Variants in KCNMB2 observed in about 807,000 individuals in gnomAD.
The protein encoded by KCNMB2 is potassium calcium-activated channel subfamily M regulatory beta subunit 2, also known as calcium-activated potassium channel subunit beta-2.
A neutral mutation model predicts 24.5 loss-of-function variants in KCNMB2; 9 were observed. The observed-to-expected ratio is 0.37, with a 90% CI of 0.22 to 0.64. The LOEUF is 0.64. KCNMB2 is among the 30% of genes least tolerant of loss of function. KCNMB2 has a pLI of 0.63. For missense variants in KCNMB2, 226 were observed against 284.3 expected (o/e 0.79, Z 1.47); for synonymous variants, 109 against 104.4 (o/e 1.04, Z -0.27).
At position 178,843,342 on chromosome 3, in the gene KCNMB2, C is replaced by A; in HGVS notation, c.*405C>A. On this transcript the variant is annotated 3_prime_UTR_variant, in exon 5 of 5. Transcript: ENST00000452583. Reference sequence around the variant, plus strand: ...CACTTATTGTTTACTAAAGCTACAGCCAAAAATATTTTTTTTTCTTATTCT... The same window carrying A: ...CACTTATTGTTTACTAAAGCTACAGACAAAAATATTTTTTTTTCTTATTCT... 1 of 363,732 alleles carries A rather than the reference C, an allele frequency of 2.7e-6. No individual in the cohort carries two copies. The highest frequency in any genetic ancestry group is 5.5e-6 in the Non-Finnish European group (1 of 182,404). The allele number at this position is 363,732 out of a possible 1,614,324, so 22.5% of individuals were successfully genotyped here. A position where few individuals can be genotyped will look rare whatever the true frequency, so the allele number is the denominator to read the frequency against.
chr3:178,754,861 C>G (rs1179753334), intron 1 of KCNMB2, among the ~76,000 whole-genome samples: 5 of 152,186 alleles, frequency 3.3e-5, no homozygotes, highest in Non-Finnish European at 7.4e-5. Context: ...GCTTGTTTAG[C>G]ACGTTTGGCC....
At chr3:178,571,846 T>G in intron 1 of KCNMB2, among the ~76,000 whole-genome samples, 1 of 152,248 alleles carries the variant, frequency 6.6e-6, no homozygotes, top group Middle Eastern at 3.4e-3. Flanking sequence ...TCCATGTCCC[T>G]GCAAAGGACA....
intron 1 of KCNMB2, among the ~76,000 whole-genome samples, chr3:178,651,081 AC>A (rs1227657121): frequency 6.6e-6 from 1 of 152,174 alleles, no homozygotes; most frequent in Non-Finnish European, 1.5e-5. Context: ...AGAGAAAGAA[AC>A]AAAGGGCATT....
chr3:178,613,288 C>T (rs1436097660), intron 1 of KCNMB2, among the ~76,000 whole-genome samples: 1 of 152,132 alleles, frequency 6.6e-6, no homozygotes, highest in African/African-American at 2.4e-5. Context: ...ATCCCCACTA[C>T]TTGGGAGGCT....
intron 1 of KCNMB2, among the ~76,000 whole-genome samples, chr3:178,765,528 C>A (rs1712078809): frequency 6.6e-6 from 1 of 150,980 alleles, no homozygotes; most frequent in Non-Finnish European, 1.5e-5. Context: ...GTCACCTACA[C>A]AATCTGTCAC....
At chr3:178,678,986 TTTG>T (rs10575935) in intron 1 of KCNMB2, among the ~76,000 whole-genome samples, 105,280 of 151,212 alleles carry the variant, frequency 0.7, 37,164 homozygotes, top group African/African-American at 0.84. Flanking sequence ...CTATAATTGG[TTTG>T]TTGTTGTTGT....
chr3:178,546,031 C>T lies in KCNMB2; in HGVS notation c.-68+9320C>T, dbSNP rs1715761731. 2.0e-5 allele frequency among the ~76,000 whole-genome samples: 3 copies of T among 151,986 alleles called. No individual in the cohort carries two copies. In the South Asian group the frequency reaches 6.2e-4, roughly 32 times the overall value. On this transcript the variant is annotated intron_variant, in intron 1 of 4. Transcript: ENST00000452583. Reference sequence around the variant, plus strand: ...TCAAGGTAACTGTTTGCTTTGAAAACATAAAAATAGAACAGCACAGGACTC... The same window carrying T: ...TCAAGGTAACTGTTTGCTTTGAAAATATAAAAATAGAACAGCACAGGACTC...
At chr3:178,704,129 A>G (rs140696659) in intron 1 of KCNMB2, among the ~76,000 whole-genome samples, 1 of 152,160 alleles carries the variant, frequency 6.6e-6, no homozygotes, top group African/African-American at 2.4e-5. Flanking sequence ...TAAAATCTCC[A>G]TCTTCCAGGG....
intron 1 of KCNMB2, among the ~76,000 whole-genome samples, chr3:178,704,961 A>G (rs1722228816): frequency 6.6e-6 from 1 of 152,064 alleles, no homozygotes; most frequent in South Asian, 2.1e-4. Flanking sequence ...TTCTCTAGGT[A>G]TATACCACCA....
At chr3:178,609,747 C>T (rs941226607) in intron 1 of KCNMB2, among the ~76,000 whole-genome samples, 2 of 152,014 alleles carry the variant, frequency 1.3e-5, no homozygotes. Flanking sequence ...AGCAGTCCTC[C>T]CACCTCACCC....
chr3:178,723,082 T>C (rs1205642302), intron 1 of KCNMB2, among the ~76,000 whole-genome samples: 1 of 152,202 alleles, frequency 6.6e-6, no homozygotes, highest in East Asian at 1.9e-4. Context: ...TTCATCTATG[T>C]GTCTATCCCT....
intron 1 of KCNMB2, among the ~76,000 whole-genome samples, chr3:178,611,706 C>CA (rs56679826): frequency 0.044 from 6,678 of 151,698 alleles, 462 homozygotes; most frequent in African/African-American, 0.15. Flanking sequence ...CTCTGTCTCA[C>CA]AAAAAACAAA....
intron 1 of KCNMB2, among the ~76,000 whole-genome samples, chr3:178,624,679 A>G (rs1000500265): frequency 1.2e-4 from 17 of 145,486 alleles, no homozygotes; most frequent in African/African-American, 4.1e-4. Context: ...ACACTTGCCA[A>G]CGCCGCTCTT....
At chr3:178,784,346 T>G (rs1225399465) in intron 1 of KCNMB2, among the ~76,000 whole-genome samples, 1 of 152,118 alleles carries the variant, frequency 6.6e-6, no homozygotes, top group Non-Finnish European at 1.5e-5. Flanking sequence ...CAAAGAAGGA[T>G]CAGAAGTGAG....
At chr3:178,809,508 G>A (rs942236160) in intron 2 of KCNMB2, among the ~76,000 whole-genome samples, 1 of 152,056 alleles carries the variant, frequency 6.6e-6, no homozygotes, top group African/African-American at 2.4e-5. Flanking sequence ...AACTTCCAAA[G>A]GCCCAACAAC....
chr3:178,761,818 T>C (rs1711899080), intron 1 of KCNMB2, among the ~76,000 whole-genome samples: 1 of 152,022 alleles, frequency 6.6e-6, no homozygotes, highest in Non-Finnish European at 1.5e-5. Flanking sequence ...AGATACACAA[T>C]AAACAAACAA....
At chr3:178,551,473 C>A (rs1177723197) in intron 1 of KCNMB2, among the ~76,000 whole-genome samples, 2 of 152,202 alleles carry the variant, frequency 1.3e-5, no homozygotes, top group African/African-American at 4.8e-5. Flanking sequence ...TAACTATGAA[C>A]CCATCACTTC....
At chr3:178,650,131 G>T (rs906824471) in intron 1 of KCNMB2, among the ~76,000 whole-genome samples, 1 of 152,100 alleles carries the variant, frequency 6.6e-6, no homozygotes, top group Non-Finnish European at 1.5e-5. Flanking sequence ...AGCTTGTTCA[G>T]TTTCCATGTA....
intron 1 of KCNMB2, among the ~76,000 whole-genome samples, chr3:178,684,477 A>C (rs6802875): frequency 6.6e-6 from 1 of 151,898 alleles, no homozygotes; most frequent in East Asian, 1.9e-4. Flanking sequence ...AAATAAGTAG[A>C]TTTTAGCTGC....
Sources: allele counts gnomAD v4.1 joint callset (sites outside exome capture counted in the v4.1 genomes callset), GRCh38; gene constraint gnomAD v4.1.1; transcripts MANE v1.5; gene names NCBI Gene and HGNC (gene_info 2026-07-23, HGNC 2026-07-21).